ACER2: variants seen among roughly 807,000 people sequenced by gnomAD.
ACER2 encodes alkCDase 2.
In ACER2, 26 loss-of-function variants were observed where a neutral mutation model predicts 34.7. The observed-to-expected ratio is 0.75, with a 90% CI of 0.55 to 1.04. ACER2 has a LOEUF of 1.04. Ranked by LOEUF, ACER2 falls within the 50% of genes least tolerant of loss-of-function variation. The pLI is 0.00. For missense variants in ACER2, 352 were observed against 340.8 expected (o/e 1.03, Z -0.26); for synonymous variants, 138 against 132.1 (o/e 1.04, Z -0.31).
At chr9:19,441,048 C>CTTT (rs539195950) in intron 4 of ACER2, among the ~76,000 whole-genome samples, 2 of 138,914 alleles carry the variant, frequency 1.4e-5, no homozygotes, top group Non-Finnish European at 3.1e-5. Flanking sequence ...TTTTCTTTTT[C>CTTT]TTTTTTTTTT....
At chr9:19,434,102 G>C (rs1273503608) in intron 3 of ACER2, among the ~76,000 whole-genome samples, 2 of 148,956 alleles carry the variant, frequency 1.3e-5, no homozygotes, top group African/African-American at 2.5e-5. Context: ...ACGGGGTGGC[G>C]GCCGGGCAGA....
intron 3 of ACER2, among the ~76,000 whole-genome samples, chr9:19,434,560 T>G (rs933377709): frequency 6.6e-6 from 1 of 152,230 alleles, no homozygotes; most frequent in South Asian, 2.1e-4. Context: ...CACTCGCGGT[T>G]AGGAGCTGGA....
intron 3 of ACER2, among the ~76,000 whole-genome samples, chr9:19,427,858 G>A (rs1399216414): frequency 1.3e-5 from 2 of 151,850 alleles, no homozygotes; most frequent in African/African-American, 4.8e-5. Context: ...AGTAGAGATG[G>A]GGTTTCACCA....
chr9:19,452,086 A>G lies in ACER2; in HGVS notation c.*1450A>G, dbSNP rs1380133538. On this transcript the variant is annotated 3_prime_UTR_variant, in exon 6 of 6. Coordinates refer to ENST00000340967, the MANE Select transcript of ACER2 (RefSeq NM_001010887.3). Reference sequence around the variant, plus strand: ...ATGAATCTTCTCTTCATCGGGCTGAATGAAAGATTCAAGAACCATCTTCAA... The same window carrying G: ...ATGAATCTTCTCTTCATCGGGCTGAGTGAAAGATTCAAGAACCATCTTCAA... The G allele has an allele frequency of 1.3e-5, 2 of 152,662 alleles. No individual in the cohort carries two copies. Among genetic ancestry groups the G allele is most frequent in the Admixed American group, 6.5e-5 (1 of 15,284 alleles). 9.5% of individuals were successfully genotyped at this position (152,662 alleles called of 1,614,324 possible). A position where few individuals can be genotyped will look rare whatever the true frequency, so the allele number is the denominator to read the frequency against.
chr9:19,445,013 C>A (rs1042961126), intron 4 of ACER2, among the ~76,000 whole-genome samples: 1 of 152,192 alleles, frequency 6.6e-6, no homozygotes, highest in Non-Finnish European at 1.5e-5. Context: ...AGGCTTTTAA[C>A]ACCTGTCTGT....
rs371507961 is a variant in ACER2, at chr9:19,423,942, C to A, written c.189C>A (p.Gly63=). 331 of 1,614,022 alleles carry A rather than the reference C, an allele frequency of 2.1e-4. 3 individuals are homozygous for A. The South Asian group carries it at 3.3e-3, about 16-fold the overall frequency. The change falls in exon 2 of 6, where the codon GGC becomes GGA. Residue 63 remains glycine, a synonymous_variant. Coordinates refer to ENST00000340967, the MANE Select transcript of ACER2 (RefSeq NM_001010887.3). ...FRQYATCFNS[G]IYLIWTLLVV... The stretch of plus-strand genomic sequence containing the variant: ...AGTATGCAACATGCTTCAACAGTGG[C>A]ATCTACTTAATCTGGACTCTTTTGG...
At chr9:19,414,473 A>G (rs374156847) in intron 1 of ACER2, among the ~76,000 whole-genome samples, 103 of 152,314 alleles carry the variant, frequency 6.8e-4, no homozygotes, top group Middle Eastern at 3.4e-3. Flanking sequence ...AGAACTTTCT[A>G]AGGAAATAAT....
At chr9:19,431,695 G>C (rs1830759385) in intron 3 of ACER2, among the ~76,000 whole-genome samples, 1 of 152,182 alleles carries the variant, frequency 6.6e-6, no homozygotes, top group South Asian at 2.1e-4. Flanking sequence ...TAGCTGCCTG[G>C]AGCCTTTCCC....
chr9:19,429,091 A>C (rs1440876989), intron 3 of ACER2, among the ~76,000 whole-genome samples: 1 of 151,170 alleles, frequency 6.6e-6, no homozygotes, highest in East Asian at 2.0e-4. Context: ...CCTGGCCTGA[A>C]TTTTTTATTG....
chr9:19,448,393 A>G (rs878927930), intron 5 of ACER2, among the ~76,000 whole-genome samples: 1 of 152,150 alleles, frequency 6.6e-6, no homozygotes, highest in Non-Finnish European at 1.5e-5. Flanking sequence ...ATACCAATAC[A>G]TATATATAAT....
At chr9:19,414,634 C>A (rs1438922057) in intron 1 of ACER2, among the ~76,000 whole-genome samples, 1 of 152,120 alleles carries the variant, frequency 6.6e-6, no homozygotes, top group African/African-American at 2.4e-5. Flanking sequence ...CCTACCCTGT[C>A]TCTACAAAAA....
At chr9:19,416,012 A>G (rs2132460771) in intron 1 of ACER2, among the ~76,000 whole-genome samples, 1 of 152,080 alleles carries the variant, frequency 6.6e-6, no homozygotes, top group East Asian at 1.9e-4. Flanking sequence ...GAAGAAAATG[A>G]GGACAGTGGT....
intron 5 of ACER2, among the ~76,000 whole-genome samples, chr9:19,449,675 G>A (rs959492567): frequency 6.6e-6 from 1 of 152,108 alleles, no homozygotes; most frequent in African/African-American, 2.4e-5. Flanking sequence ...CCTGAGGTCA[G>A]GAGTTCAAGA....
At chr9:19,429,636 A>G (rs1477950511) in intron 3 of ACER2, among the ~76,000 whole-genome samples, 5 of 152,208 alleles carry the variant, frequency 3.3e-5, no homozygotes, top group Non-Finnish European at 7.3e-5. Context: ...CCAACCTTGT[A>G]TCCACTTCTT....
rs764330118 is a variant in ACER2 at position 19,450,909 on chromosome 9, G to T, written c.*273G>T. 7.5e-6 allele frequency: 2 copies of T among 268,318 alleles called. No individual in the cohort carries two copies. Among genetic ancestry groups the T allele is most frequent in the Non-Finnish European group, 1.4e-5 (2 of 143,578 alleles). 16.6% of individuals were successfully genotyped at this position (268,318 alleles called of 1,614,324 possible). On this transcript the variant is annotated 3_prime_UTR_variant, in exon 6 of 6. Transcript: ENST00000340967. ...CATACTGGTTTTAAACTTTCATGTT[G>T]TCACATCTGTTAATCTTTTCTTTAG...
intron 5 of ACER2, 198 bp from the exon 6 acceptor site, chr9:19,450,252 C>T: frequency 3.0e-6 from 3 of 985,366 alleles, no homozygotes; most frequent in Non-Finnish European, 3.6e-6. Flanking sequence ...AAAACGGGTC[C>T]CAAATTGCTG....
intron 5 of ACER2, chr9:19,446,620 C>G (rs1189856158): frequency 2.0e-6 from 2 of 985,302 alleles, no homozygotes; most frequent in African/African-American, 3.5e-5. Flanking sequence ...GCAGGCTTAG[C>G]CGGAACGAAA....
rs779941657 is a variant in ACER2 at position 19,450,529 on chromosome 9, C to G, written c.721C>G (p.Gln241Glu). Reference protein sequence around the residue: ...YFDAASEIPEQGPVIKFWPNE... With the variant: ...YFDAASEIPEEGPVIKFWPNE... ...TGATGCTGCCTCAGAGATTCCTGAG[C>G]AAGGCCCTGTCATCAAGTTCTGGCC... Residue 241 changes from glutamine (Q) to glutamate (E), a missense_variant, in exon 6 of 6, where the codon CAA (glutamine) becomes GAA (glutamate). Coordinates refer to ENST00000340967, the MANE Select transcript of ACER2 (RefSeq NM_001010887.3). 3.1e-6 allele frequency: 5 copies of G among 1,612,452 alleles called. No individual in the cohort carries two copies. The highest frequency in any genetic ancestry group is 1.1e-5 in the South Asian group (1 of 90,908).
At chr9:19,411,001 G>A in intron 1 of ACER2, among the ~76,000 whole-genome samples, 1 of 152,156 alleles carries the variant, frequency 6.6e-6, no homozygotes, top group South Asian at 2.1e-4. Flanking sequence ...TGCAGCCTGG[G>A]GTCTACAGAG....
Sources: gnomAD v4.1 joint callset for allele counts (sites outside exome capture counted in the v4.1 genomes callset) on GRCh38, gnomAD v4.1.1 for gene constraint, MANE v1.5 for transcripts, NCBI Gene and HGNC (gene_info 2026-07-23, HGNC 2026-07-21) for gene names.